COP1: variants seen among roughly 807,000 people sequenced by gnomAD.
COP1 encodes the protein E3 ubiquitin-protein ligase COP1.
COP1 carries 24 observed loss-of-function variants against 101.3 expected under a neutral mutation model. The ratio of observed to expected loss-of-function variants is 0.24; its 90% CI spans 0.17 to 0.33. The LOEUF (loss-of-function observed/expected upper bound fraction) is 0.33, where lower values mean the gene tolerates loss of function less well. COP1 is among the 10% of genes least tolerant of loss of function. The pLI is 1.00. For missense variants in COP1, 663 were observed against 906.2 expected (o/e 0.73, Z 3.45); for synonymous variants, 347 against 341.9 (o/e 1.01, Z -0.17).
At chr1:175,954,568 T>A (rs886502279) in intron 18 of COP1, among the ~76,000 whole-genome samples, 7 of 152,132 alleles carry the variant, frequency 4.6e-5, no homozygotes, top group Non-Finnish European at 1.0e-4. Flanking sequence ...TATCACTAGA[T>A]ATTCTATAGA....
intron 5 of COP1, among the ~76,000 whole-genome samples, chr1:176,157,881 A>G (rs921387816): frequency 4.6e-5 from 7 of 152,240 alleles, no homozygotes; most frequent in Admixed American, 6.5e-5. Context: ...AGAAAGATGA[A>G]TAAGATCAAA....
chr1:176,031,344 A>C (rs1668619498), intron 14 of COP1, among the ~76,000 whole-genome samples: 1 of 152,218 alleles, frequency 6.6e-6, no homozygotes, highest in South Asian at 2.1e-4. Context: ...AAGTATGAGA[A>C]GAAACTAAGC....
intron 15 of COP1, among the ~76,000 whole-genome samples, chr1:176,007,001 T>C (rs1032906605): frequency 6.6e-6 from 1 of 152,162 alleles, no homozygotes; most frequent in African/African-American, 2.4e-5. Context: ...AGATGTAGAT[T>C]TGGTCTTTTC....
At position 176,028,263 on chromosome 1, in the gene COP1, A is replaced by G. The variant is rs538034146; in HGVS notation, c.1613-575T>C. On this transcript the variant is annotated intron_variant, in intron 14 of 19. Coordinates refer to ENST00000367669, the MANE Select transcript of COP1 (RefSeq NM_022457.7). Reference sequence around the variant, plus strand: ...CCAAGAGAGCTTAGTTTCAATGTCAAAAATCAATATAGATAAAAAGGTCGG... The same window carrying G: ...CCAAGAGAGCTTAGTTTCAATGTCAGAAATCAATATAGATAAAAAGGTCGG... 6.6e-5 allele frequency among the ~76,000 whole-genome samples: 10 copies of G among 152,206 alleles called. No individual in the cohort carries two copies. The East Asian group carries it at 1.7e-3, about 26-fold the overall frequency.
At chr1:175,952,486 CAAAAT>C (rs1650077156) in intron 18 of COP1, among the ~76,000 whole-genome samples, 1 of 150,242 alleles carries the variant, frequency 6.7e-6, no homozygotes, top group Non-Finnish European at 1.5e-5. Flanking sequence ...AAATTAAAGT[CAAAAT>C]AAAGATATTT....
chr1:176,049,251 T>C lies in COP1; in HGVS notation c.1278-2927A>G, dbSNP rs569646885. The stretch of plus-strand genomic sequence containing the variant: ...ATGTCTATTATTTCTTCTGCTGGTA[T>C]CCTGTTATTCAAGACAGCTCTCTCT... On this transcript the variant is annotated intron_variant, in intron 11 of 19. Coordinates refer to ENST00000367669, the MANE Select transcript of COP1 (RefSeq NM_022457.7). Among the ~76,000 whole-genome samples the C allele has an allele frequency of 2.2e-3, 338 of 151,772 alleles. 3 individuals are homozygous for C. The highest frequency in any genetic ancestry group is 7.8e-3 in the African/African-American group (322 of 41,350).
At chr1:176,129,046 G>A (rs540140852) in intron 8 of COP1, among the ~76,000 whole-genome samples, 5 of 151,942 alleles carry the variant, frequency 3.3e-5, no homozygotes, top group African/African-American at 1.2e-4. Flanking sequence ...AATGACATGG[G>A]TAAACTAGAG....
At chr1:176,099,721 T>C (rs527406736) in intron 9 of COP1, among the ~76,000 whole-genome samples, 2 of 152,314 alleles carry the variant, frequency 1.3e-5, no homozygotes, top group South Asian at 4.1e-4. Context: ...CAAGCTCGAC[T>C]TGCAGAGCCA....
chr1:175,981,829 C>G (rs571788853), intron 18 of COP1, among the ~76,000 whole-genome samples: 37 of 152,008 alleles, frequency 2.4e-4, no homozygotes, highest in African/African-American at 8.4e-4. Context: ...AGCAAAGAAC[C>G]TGAATAAACA....
At chr1:176,114,095 A>G (rs1376193956) in intron 9 of COP1, among the ~76,000 whole-genome samples, 1 of 152,166 alleles carries the variant, frequency 6.6e-6, no homozygotes, top group Non-Finnish European at 1.5e-5. Flanking sequence ...TATATTCAGA[A>G]GGAGAACATA....
At chr1:176,000,503 A>G (rs1172974620) in intron 15 of COP1, among the ~76,000 whole-genome samples, 7 of 152,048 alleles carry the variant, frequency 4.6e-5, no homozygotes, top group Non-Finnish European at 7.4e-5. Context: ...TGAAGTTATA[A>G]TGGCTATGAC....
At chr1:175,989,602 G>C (rs1657929558) in intron 15 of COP1, 123 bp from the exon 16 acceptor site, 2 of 566,066 alleles carry the variant, frequency 3.5e-6, no homozygotes, top group East Asian at 5.6e-5. Context: ...CTAACAGCCA[G>C]AAAACAAAGG....
intron 11 of COP1, among the ~76,000 whole-genome samples, chr1:176,066,182 T>C (rs960868336): frequency 1.3e-5 from 2 of 152,332 alleles, no homozygotes; most frequent in East Asian, 3.9e-4. Context: ...TACTTCTCTT[T>C]ATTGCCCTTT....
At chr1:176,030,661 T>C (rs966129509) in intron 14 of COP1, among the ~76,000 whole-genome samples, 1 of 152,140 alleles carries the variant, frequency 6.6e-6, no homozygotes, top group Non-Finnish European at 1.5e-5. Flanking sequence ...AATATAACTG[T>C]CTGAGCTACA....
At chr1:176,206,514 G>C in intron 1 of COP1, 58 bp downstream of exon 1, 2 of 1,507,988 alleles carry the variant, frequency 1.3e-6, no homozygotes, top group Non-Finnish European at 1.8e-6. Flanking sequence ...CCGCCCCCAA[G>C]CCTAAGCGGC....
chr1:175,949,219 ATTAGAAT>A (rs779423601), intron 18 of COP1, among the ~76,000 whole-genome samples: 95 of 130,424 alleles, frequency 7.3e-4, no homozygotes, highest in Non-Finnish European at 9.8e-4. Flanking sequence ...AATACTCACT[ATTAGAAT>A]TAACTTTGGA....
At chr1:176,181,330 G>T (rs903613225) in intron 2 of COP1, among the ~76,000 whole-genome samples, 9 of 151,818 alleles carry the variant, frequency 5.9e-5, no homozygotes, top group African/African-American at 2.2e-4. Context: ...TTACTAGAAA[G>T]TTGACACAAG....
At chr1:176,168,097 G>A (rs1190498643) in intron 3 of COP1, among the ~76,000 whole-genome samples, 5 of 150,888 alleles carry the variant, frequency 3.3e-5, no homozygotes, top group South Asian at 4.2e-4. Flanking sequence ...TCGCCCTGTC[G>A]CCCAGGCTGG....
chr1:176,104,587 A>G (rs1023585717), intron 9 of COP1, among the ~76,000 whole-genome samples: 1 of 152,166 alleles, frequency 6.6e-6, no homozygotes, highest in Non-Finnish European at 1.5e-5. Flanking sequence ...AAGAAACACA[A>G]AACTATTCTG....
Sources: gnomAD v4.1 joint callset for allele counts (sites outside exome capture counted in the v4.1 genomes callset) on GRCh38, gnomAD v4.1.1 for gene constraint, MANE v1.5 for transcripts, NCBI Gene and HGNC (gene_info 2026-07-23, HGNC 2026-07-21) for gene names.